CCDC144A: variants seen among roughly 807,000 people sequenced by gnomAD.
The protein encoded by CCDC144A is coiled-coil domain-containing protein 144A.
CCDC144A carries 41 observed loss-of-function variants against 143.8 expected under a neutral mutation model. The observed-to-expected ratio is 0.29, with a 90% confidence interval of 0.22 to 0.37. The LOEUF is 0.37. Ranked by LOEUF, CCDC144A falls within the 10% of genes least tolerant of loss-of-function variation. The probability of loss-of-function intolerance (pLI) is 1.00; values close to 1 mark genes in which losing one functional copy is unlikely to be tolerated. For missense variants in CCDC144A, 637 were observed against 1,488.8 expected (o/e 0.43, Z 9.41); for synonymous variants, 242 against 517.9 (o/e 0.47, Z 7.23).
At chr17:16,675,909 A>T in the CCDC144A span, among the ~76,000 whole-genome samples, 1 of 145,380 alleles carries the variant, frequency 6.9e-6, no homozygotes, top group Non-Finnish European at 1.5e-5. Context: ...AGCCCAGCTA[A>T]TTTTTTTTTT....
chr17:16,754,981 C>T (rs1183130644), intron 12 of CCDC144A, among the ~76,000 whole-genome samples: 1 of 152,032 alleles, frequency 6.6e-6, no homozygotes, highest in Non-Finnish European at 1.5e-5. Flanking sequence ...TATATAATGC[C>T]CTTCTCTTTC....
chr17:16,745,027 A>G (rs2260298), intron 12 of CCDC144A, among the ~76,000 whole-genome samples: 2,617 of 151,964 alleles, frequency 0.017, 73 homozygotes, highest in African/African-American at 0.06. Flanking sequence ...GACTGAAACC[A>G]TTTTTATCTG....
At chr17:16,684,238 C>T in the CCDC144A span, 1 of 879,478 alleles carries the variant, frequency 1.1e-6, no homozygotes, top group Non-Finnish European at 2.0e-6. Context: ...GGGCGAGTAT[C>T]TTAAATGTTC....
intron 12 of CCDC144A, among the ~76,000 whole-genome samples, chr17:16,754,011 C>T (rs1001858141): frequency 5.3e-5 from 8 of 152,282 alleles, no homozygotes; most frequent in South Asian, 2.1e-4. Context: ...ATTACATTAC[C>T]GTTACTGGTC....
intron 12 of CCDC144A, chr17:16,746,121 G>T (rs2143294173): frequency 6.3e-7 from 1 of 1,590,880 alleles, no homozygotes; most frequent in East Asian, 2.3e-5. Context: ...GGGAGCACAG[G>T]ATTCCTGCTT....
At chr17:16,748,505 A>G (rs573945157) in intron 12 of CCDC144A, among the ~76,000 whole-genome samples, 28 of 152,268 alleles carry the variant, frequency 1.8e-4, no homozygotes, top group African/African-American at 6.5e-4. Context: ...TATTTTATTG[A>G]AGACTTTGGT....
At chr17:16,746,547 C>T in intron 12 of CCDC144A, 2 of 1,613,836 alleles carry the variant, frequency 1.2e-6, no homozygotes. Flanking sequence ...TATTCTGGAT[C>T]TTTGCTGTCA....
At chr17:16,717,599 T>C (rs1235352960) in intron 6 of CCDC144A, among the ~76,000 whole-genome samples, 1 of 152,224 alleles carries the variant, frequency 6.6e-6, no homozygotes, top group Non-Finnish European at 1.5e-5. Context: ...TTGCCTCTTC[T>C]GTAATGCCTT....
the CCDC144A span, chr17:16,683,522 C>G: frequency 5.2e-6 from 8 of 1,533,300 alleles, no homozygotes; most frequent in Non-Finnish European, 7.2e-6. Context: ...TGTTCTATGC[C>G]GTGAGGAGGG....
chr17:16,746,804 C>T (rs555129427), intron 12 of CCDC144A: 1 of 1,430,040 alleles, frequency 7.0e-7, no homozygotes, highest in East Asian at 2.4e-5. Flanking sequence ...GGAGCGTGGA[C>T]AAGGAGCTCA....
chr17:16,775,616 T>A lies in CCDC144A; in HGVS notation c.*1983T>A, dbSNP rs1738793517. The stretch of plus-strand genomic sequence containing the variant: ...TGCTGGATATTAGACCTTTGTCAGA[T>A]GGATAGAGTGCAAAAATTTTCTCCC... On this transcript the variant is annotated 3_prime_UTR_variant, in exon 17 of 17. Coordinates refer to ENST00000399273, the MANE Select transcript of CCDC144A (RefSeq NM_001382000.1). 3 of 152,260 alleles carry A rather than the reference T, an allele frequency of 2.0e-5. No homozygotes were observed. Among genetic ancestry groups the A allele is most frequent in the Non-Finnish European group, 4.4e-5 (3 of 68,050 alleles). The allele number at this position is 152,260 out of a possible 1,614,324, so 9.4% of individuals were successfully genotyped here. A position where few individuals can be genotyped will look rare whatever the true frequency, so the allele number is the denominator to read the frequency against.
chr17:16,748,735 T>C (rs1463550916), intron 12 of CCDC144A, among the ~76,000 whole-genome samples: 2 of 152,216 alleles, frequency 1.3e-5, no homozygotes, highest in Non-Finnish European at 2.9e-5. Context: ...TTTTGGCTAG[T>C]AGGTTTTTTA....
chr17:16,703,903 T>C (rs1280419335), intron 2 of CCDC144A, among the ~76,000 whole-genome samples: 1 of 152,196 alleles, frequency 6.6e-6, no homozygotes, highest in East Asian at 1.9e-4. Context: ...TATGATGTTA[T>C]GACACACCAT....
chr17:16,766,249 A>C (rs1025088580), intron 15 of CCDC144A: 16 of 152,446 alleles, frequency 1.0e-4, no homozygotes, highest in African/African-American at 3.4e-4. Flanking sequence ...CAAAGGAGAC[A>C]GTCAGATCTG....
upstream of CCDC144A, among the ~76,000 whole-genome samples, chr17:16,688,011 A>G (rs1322258739): frequency 2.0e-5 from 3 of 151,666 alleles, no homozygotes; most frequent in East Asian, 5.8e-4. Context: ...ATGACATGCT[A>G]ATTAGATGTA....
intron 12 of CCDC144A, chr17:16,745,646 CCTCTT>C (rs1458455142): frequency 1.0e-5 from 16 of 1,589,810 alleles, no homozygotes; most frequent in Admixed American, 3.6e-5. Flanking sequence ...CTGCCTCTTC[CCTCTT>C]CTCAGGACCA....
intron 12 of CCDC144A, among the ~76,000 whole-genome samples, chr17:16,755,837 A>G (rs1457007463): frequency 7.2e-5 from 11 of 152,250 alleles, no homozygotes; most frequent in Non-Finnish European, 1.6e-4. Context: ...CTAGGATTAC[A>G]GGGATGAACC....
At position 16,777,767 on chromosome 17, in the gene CCDC144A, A is replaced by G. The variant is rs1916049427; in HGVS notation, c.*4134A>G. The G allele has an allele frequency of 7.1e-6, 1 of 140,330 alleles. No homozygotes were observed. Among genetic ancestry groups the G allele is most frequent in the African/African-American group, 2.9e-5 (1 of 34,318 alleles). 8.7% of individuals were successfully genotyped at this position (140,330 alleles called of 1,614,324 possible). On this transcript the variant is annotated 3_prime_UTR_variant, in exon 17 of 17. Coordinates refer to ENST00000399273, the MANE Select transcript of CCDC144A (RefSeq NM_001382000.1). Reference sequence around the variant, plus strand: ...ATGCCTATATCAAAAAGTCTGAAAGAGCACAAATAAACAATCTAAGGTCAC... The same window carrying G: ...ATGCCTATATCAAAAAGTCTGAAAGGGCACAAATAAACAATCTAAGGTCAC...
At chr17:16,684,478 G>A in the CCDC144A span, among the ~76,000 whole-genome samples, 1 of 151,752 alleles carries the variant, frequency 6.6e-6, no homozygotes. Flanking sequence ...GTATGGTGAA[G>A]CCCCATCTCT....
Sources: gnomAD v4.1 joint callset for allele counts (sites outside exome capture counted in the v4.1 genomes callset) on GRCh38, gnomAD v4.1.1 for gene constraint, MANE v1.5 for transcripts, NCBI Gene and HGNC (gene_info 2026-07-23, HGNC 2026-07-21) for gene names.